Variants in GRIN2B observed in about 807,000 individuals in gnomAD.
GRIN2B encodes the protein glutamate receptor ionotropic, NMDA 2B.
Under a neutral mutation model 114.5 loss-of-function variants are expected in GRIN2B, and 5 were observed. That is an observed-to-expected ratio of 0.04 (90% CI 0.02 to 0.09). GRIN2B has a LOEUF of 0.09. Among genes scored for constraint, GRIN2B ranks in the 10% least tolerant of loss-of-function variants. The pLI, the probability that GRIN2B is intolerant of heterozygous loss-of-function variation, is 1.00. For synonymous variants in GRIN2B, 787 were observed against 745.1 expected (o/e 1.06, Z -0.92); for missense variants, 1,108 against 1,943.5 (o/e 0.57, Z 8.08).
chr12:13,894,154 A>C (rs1425470871), intron 2 of GRIN2B, among the ~76,000 whole-genome samples: 3 of 152,152 alleles, frequency 2.0e-5, no homozygotes, highest in African/African-American at 7.2e-5. Context: ...CATTTTAGAA[A>C]AGCCATTTGG....
At chr12:13,712,385 A>G (rs1038242503) in intron 4 of GRIN2B, among the ~76,000 whole-genome samples, 2 of 151,594 alleles carry the variant, frequency 1.3e-5, no homozygotes, top group African/African-American at 4.9e-5. Context: ...ATAATAAAAA[A>G]CAAATAAAAA....
At chr12:13,790,435 A>G (rs1864301360) in intron 3 of GRIN2B, among the ~76,000 whole-genome samples, 1 of 152,176 alleles carries the variant, frequency 6.6e-6, no homozygotes, top group South Asian at 2.1e-4. Flanking sequence ...AGAAACAAAG[A>G]AGCTTAATTT....
chr12:13,839,661 C>T (rs1462466476), intron 3 of GRIN2B, among the ~76,000 whole-genome samples: 1 of 152,148 alleles, frequency 6.6e-6, no homozygotes, highest in African/African-American at 2.4e-5. Flanking sequence ...CAAACGGAAG[C>T]CCCAGGTGTC....
intron 2 of GRIN2B, among the ~76,000 whole-genome samples, chr12:13,900,031 T>C (rs1866416290): frequency 6.6e-6 from 1 of 152,212 alleles, no homozygotes; most frequent in Non-Finnish European, 1.5e-5. Flanking sequence ...CATCTTAGGA[T>C]GATCTTTCTC....
In GRIN2B at chr12:13,791,976, G is replaced by A. The variant is rs142115370; in HGVS notation, c.412-38061C>T. 2.9e-3 allele frequency among the ~76,000 whole-genome samples: 439 copies of A among 152,108 alleles called. 3 individuals are homozygous for A. Among genetic ancestry groups the A allele is most frequent in the African/African-American group, 9.9e-3 (412 of 41,484 alleles). ...GTACTCCCTCTCCCCTACCCTTCCCGGCCTCTGGTCACAACTAATCTATTC... is the reference window on the plus strand; with the variant it reads ...GTACTCCCTCTCCCCTACCCTTCCCAGCCTCTGGTCACAACTAATCTATTC... On this transcript the variant is annotated intron_variant, in intron 3 of 13. Transcript: ENST00000609686.
At chr12:13,847,880 C>G (rs1039022438) in intron 3 of GRIN2B, among the ~76,000 whole-genome samples, 2 of 152,140 alleles carry the variant, frequency 1.3e-5, no homozygotes, top group Non-Finnish European at 2.9e-5. Context: ...GTCCATAAAT[C>G]GTCGGAGTTC....
intron 3 of GRIN2B, among the ~76,000 whole-genome samples, chr12:13,767,246 CAG>C (rs975881049): frequency 8.1e-6 from 1 of 123,818 alleles, no homozygotes; most frequent in African/African-American, 3.2e-5. Context: ...TGCGAAAGTA[CAG>C]ACTCTGTCTC....
intron 4 of GRIN2B, among the ~76,000 whole-genome samples, chr12:13,694,658 T>A (rs7963554): frequency 4.0e-5 from 1 of 25,220 alleles, no homozygotes; most frequent in African/African-American, 1.3e-4. Flanking sequence ...GAAAATGTCA[T>A]ATATATATAT....
rs887337447 is a variant in GRIN2B, at chr12:13,808,364, A to G, written c.412-54449T>C. Among the ~76,000 whole-genome samples, 3 of 152,270 alleles carry G rather than the reference A, an allele frequency of 2.0e-5. No individual in the cohort carries two copies. The East Asian group carries it at 5.8e-4, about 29-fold the overall frequency. Reference sequence around the variant, plus strand: ...GGGCTCTAATGGCCCAACTTACACCAGTCCAGAGGAAACCCAGCACAGAGC... The same window carrying G: ...GGGCTCTAATGGCCCAACTTACACCGGTCCAGAGGAAACCCAGCACAGAGC... On this transcript the variant is annotated intron_variant, in intron 3 of 13. Transcript: ENST00000609686.
intron 5 of GRIN2B, among the ~76,000 whole-genome samples, chr12:13,640,996 C>T (rs74067242): frequency 0.066 from 10,099 of 152,100 alleles, 503 homozygotes; most frequent in African/African-American, 0.14. Flanking sequence ...ATAAAAACTT[C>T]GGAACCATAG....
intron 2 of GRIN2B, among the ~76,000 whole-genome samples, chr12:13,886,455 C>A (rs1175882168): frequency 6.6e-6 from 1 of 152,080 alleles, no homozygotes; most frequent in Non-Finnish European, 1.5e-5. Flanking sequence ...TAGCTGTGGG[C>A]AATGGACTTT....
chr12:13,575,473 A>G (rs1591614539), intron 10 of GRIN2B, among the ~76,000 whole-genome samples: 1 of 152,086 alleles, frequency 6.6e-6, no homozygotes, highest in East Asian at 1.9e-4. Flanking sequence ...AGCCTGGGAA[A>G]CATGGTGAAA....
chr12:13,846,587 C>G (rs1053822947), intron 3 of GRIN2B, among the ~76,000 whole-genome samples: 3 of 152,162 alleles, frequency 2.0e-5, no homozygotes, highest in African/African-American at 7.2e-5. Flanking sequence ...TCAGTCAGTG[C>G]TGTAGGATCT....
chr12:13,834,953 G>C (rs900831407), intron 3 of GRIN2B, among the ~76,000 whole-genome samples: 3 of 152,196 alleles, frequency 2.0e-5, no homozygotes, highest in African/African-American at 7.2e-5. Flanking sequence ...CCAAAGTGCA[G>C]CCAAGTTTGC....
chr12:13,885,341 T>C (rs1866137747), intron 2 of GRIN2B, among the ~76,000 whole-genome samples: 1 of 152,152 alleles, frequency 6.6e-6, no homozygotes, highest in Admixed American at 6.5e-5. Flanking sequence ...CTGACTTAAG[T>C]GTCAACTAAA....
At chr12:13,928,506 C>T (rs891847265) in intron 2 of GRIN2B, among the ~76,000 whole-genome samples, 1 of 152,018 alleles carries the variant, frequency 6.6e-6, no homozygotes, top group Non-Finnish European at 1.5e-5. Context: ...ACAAAATATA[C>T]AGAAGATGAG....
At chr12:13,933,663 T>C (rs566186218) in intron 2 of GRIN2B, among the ~76,000 whole-genome samples, 2 of 152,280 alleles carry the variant, frequency 1.3e-5, no homozygotes, top group African/African-American at 4.8e-5. Context: ...CATGTGGCCC[T>C]GCAGAGCAAT....
At chr12:13,716,703 A>T (rs1025441761) in intron 4 of GRIN2B, among the ~76,000 whole-genome samples, 2 of 151,978 alleles carry the variant, frequency 1.3e-5, no homozygotes, top group African/African-American at 4.8e-5. Flanking sequence ...CTGTCCTCTG[A>T]GAGTTAATGT....
At chr12:13,737,986 T>C (rs889941699) in intron 4 of GRIN2B, among the ~76,000 whole-genome samples, 115 of 152,206 alleles carry the variant, frequency 7.6e-4, no homozygotes, top group African/African-American at 2.8e-3. Flanking sequence ...ATTGCCAAGA[T>C]TGGGCTCGGT....
Sources: allele counts gnomAD v4.1 joint callset (sites outside exome capture counted in the v4.1 genomes callset), GRCh38; gene constraint gnomAD v4.1.1; transcripts MANE v1.5; gene names NCBI Gene and HGNC (gene_info 2026-07-23, HGNC 2026-07-21).